The following ARG1 variants were observed in gnomAD, a reference collection of about 807,000 sequenced individuals.
The protein encoded by ARG1 is arginase-1.
Under a neutral mutation model 33.0 loss-of-function variants are expected in ARG1, and 20 were observed. That is an observed-to-expected ratio of 0.61 (90% CI 0.43 to 0.88). ARG1 has a LOEUF of 0.88. Ranked by LOEUF, ARG1 falls within the 40% of genes least tolerant of loss-of-function variation. The pLI is 0.00. For missense variants in ARG1, 374 were observed against 384.7 expected, an observed-to-expected ratio of 0.97 and a Z score of 0.23; for synonymous variants, 146 against 140.6, an observed-to-expected ratio of 1.04 and a Z score of -0.27.
intron 1 of ARG1, chr6:131,574,220 T>C (rs1773504144): frequency 6.4e-7 from 1 of 1,567,684 alleles, no homozygotes; most frequent in East Asian, 2.2e-5. Flanking sequence ...GTTGATTTTC[T>C]CCAGGTTTCT....
chr6:131,578,615 G>A (rs1200753915), intron 2 of ARG1, among the ~76,000 whole-genome samples: 1 of 151,990 alleles, frequency 6.6e-6, no homozygotes, highest in Non-Finnish European at 1.5e-5. Flanking sequence ...AGGTTCAATG[G>A]ATACTTTGTG....
chr6:131,582,524 T>C, intron 4 of ARG1, 97 bp from the exon 5 acceptor site: 1 of 895,862 alleles, frequency 1.1e-6, no homozygotes. Context: ...ATATTCTAAA[T>C]ATAAGATATA....
chr6:131,579,334 C>T, intron 3 of ARG1, 49 bp downstream of exon 3: 2 of 1,596,326 alleles, frequency 1.3e-6, no homozygotes, highest in Non-Finnish European at 1.7e-6. Flanking sequence ...AAGGAAGTAA[C>T]CAAGGCCATA....
intron 1 of ARG1, chr6:131,574,303 A>T (rs761882497): frequency 6.2e-7 from 1 of 1,613,926 alleles, no homozygotes; most frequent in East Asian, 2.2e-5. Context: ...TTACTGCAAA[A>T]CAAATTGAGA....
In ARG1 at chr6:131,583,126, C is replaced by A. The variant is rs2114548020; in HGVS notation, c.627C>A (p.Gly209=). 1 of 1,613,884 alleles carries A rather than the reference C, an allele frequency of 6.2e-7. No homozygotes were observed. The change falls in exon 6 of 8, where the codon GGC becomes GGA. Residue 209 remains glycine, a synonymous_variant. Transcript: ENST00000368087. ...CTGAAGTGGACAGACTAGGAATTGG[C>A]AAGGTGATGGAAGAAACACTCAGCT... is the stretch of plus-strand genomic sequence containing the variant. ...SMTEVDRLGI[G]KVMEETLSYL...
intron 1 of ARG1, chr6:131,573,920 G>A (rs886659055): frequency 6.4e-6 from 2 of 313,230 alleles, no homozygotes; most frequent in Non-Finnish European, 1.2e-5. Context: ...GCCTCACTTG[G>A]AAGGGGAAAA....
Position 131,573,333 on chromosome 6 carries a change from G to C in ARG1, c.51G>C (p.Lys17Asn), listed in dbSNP as rs753260969. Reference sequence around the variant, plus strand: ...GGATTATTGGAGCTCCTTTCTCAAAGGGACAGGTAAGGAAAAAAGTCTTTC... The same window carrying C: ...GGATTATTGGAGCTCCTTTCTCAAACGGACAGGTAAGGAAAAAAGTCTTTC... ...TIGIIGAPFSKGQPRGGVEEG... is the reference protein window; with the variant it reads ...TIGIIGAPFSNGQPRGGVEEG... The change falls in exon 1 of 8, where the codon AAG becomes AAC. Residue 17 changes from lysine (K) to asparagine (N), a missense_variant. Lys to Asn is a moderately conservative substitution (Grantham distance 94). Coordinates refer to ENST00000368087, the MANE Select transcript of ARG1 (RefSeq NM_000045.4). 1 of 1,613,972 alleles carries C rather than the reference G, an allele frequency of 6.2e-7. No homozygotes were observed. Among genetic ancestry groups the C allele is most frequent in the Admixed American group, 1.7e-5 (1 of 60,006 alleles).
rs201484132 is a variant in ARG1 at position 131,582,637 on chromosome 6, G to T, written c.482G>T (p.Gly161Val). ...ELKGKIPDVP[G>V]FSWVTPCISA... ...TAATTTTAGATTCCCGATGTGCCAG[G>T]ATTCTCCTGGGTGACTCCCTGTATA... is the stretch of plus-strand genomic sequence containing the variant. The change falls in exon 5 of 8, where the codon GGA becomes GTA. Residue 161 changes from glycine (G) to valine (V), a missense_variant. Gly to Val is a moderately radical substitution (Grantham distance 109, BLOSUM62 -3). Coordinates refer to ENST00000368087, the MANE Select transcript of ARG1 (RefSeq NM_000045.4). 6.2e-7 allele frequency: 1 copy of T among 1,613,664 alleles called. No individual in the cohort carries two copies. The highest frequency in any genetic ancestry group is 1.3e-5 in the African/African-American group (1 of 74,892).
chr6:131,582,571 A>C (rs1382167621), intron 4 of ARG1, 50 bp from the exon 5 acceptor site: 2 of 1,417,052 alleles, frequency 1.4e-6, no homozygotes, highest in Admixed American at 1.7e-5. Context: ...TGAATGTAGG[A>C]TTTGTTCAAG....
intron 2 of ARG1, among the ~76,000 whole-genome samples, chr6:131,578,432 A>C (rs1773737866): frequency 6.6e-6 from 1 of 152,176 alleles, no homozygotes; most frequent in Non-Finnish European, 1.5e-5. Flanking sequence ...AGCCTAATTC[A>C]AGGCCTTTTA....
rs779135201 is a variant in ARG1, at chr6:131,573,351, A to G, written c.57+12A>G. On this transcript the variant is annotated intron_variant, in intron 1 of 7. Coordinates refer to ENST00000368087, the MANE Select transcript of ARG1 (RefSeq NM_000045.4). ...TCTCAAAGGGACAGGTAAGGAAAAA[A>G]GTCTTTCTTTGAATTCCTGGAATTT... 2 of 1,613,888 alleles carry G rather than the reference A, an allele frequency of 1.2e-6. No homozygotes were observed. The highest frequency in any genetic ancestry group is 4.5e-5 in the East Asian group (2 of 44,858).
chr6:131,577,396 G>C (rs1329778837), intron 2 of ARG1, among the ~76,000 whole-genome samples: 25 of 152,076 alleles, frequency 1.6e-4, no homozygotes, highest in Admixed American at 1.6e-3. Flanking sequence ...TTCTACTCCT[G>C]GGTGCAGAGA....
chr6:131,574,141 T>C, intron 1 of ARG1: 1 of 922,296 alleles, frequency 1.1e-6, no homozygotes, highest in Non-Finnish European at 1.8e-6. Flanking sequence ...AACACGCATC[T>C]GTGCTTAAAG....
At chr6:131,574,145 C>T in intron 1 of ARG1, 2 of 972,198 alleles carry the variant, frequency 2.1e-6, no homozygotes, top group Non-Finnish European at 3.3e-6. Context: ...CGCATCTGTG[C>T]TTAAAGAGGA....
chr6:131,577,151 T>G (rs1375196363), intron 2 of ARG1, among the ~76,000 whole-genome samples: 1 of 152,206 alleles, frequency 6.6e-6, no homozygotes, highest in Non-Finnish European at 1.5e-5. Flanking sequence ...GTGGGCGCAG[T>G]GTGTATATAT....
intron 4 of ARG1, among the ~76,000 whole-genome samples, chr6:131,581,879 C>A (rs1486252180): frequency 6.6e-6 from 1 of 152,144 alleles, no homozygotes; most frequent in Non-Finnish European, 1.5e-5. Context: ...AAGCACCTAT[C>A]TAAATCATAA....
At chr6:131,579,793 A>G (rs926412138) in intron 3 of ARG1, 1 of 160,336 alleles carries the variant, frequency 6.2e-6, no homozygotes, top group Non-Finnish European at 1.4e-5. Context: ...CTTTCATGGC[A>G]TCTTTTTTTT....
intron 3 of ARG1, among the ~76,000 whole-genome samples, chr6:131,579,945 GCAT>G (rs1773835407): frequency 6.6e-6 from 1 of 152,060 alleles, no homozygotes; most frequent in African/African-American, 2.4e-5. Context: ...ATGTGCATAA[GCAT>G]CATAAGCATC....
At chr6:131,583,191 T>A in intron 6 of ARG1, 27 bp downstream of exon 6, 4 of 1,577,136 alleles carry the variant, frequency 2.5e-6, no homozygotes, top group Non-Finnish European at 3.5e-6. Context: ...TGTGCACACA[T>A]GTGTGTGCAA....
Sources: allele counts gnomAD v4.1 joint callset (sites outside exome capture counted in the v4.1 genomes callset), GRCh38; gene constraint gnomAD v4.1.1; transcripts MANE v1.5; gene names NCBI Gene and HGNC (gene_info 2026-07-23, HGNC 2026-07-21).